MIA2: variants seen among roughly 807,000 people sequenced by gnomAD.
MIA2 encodes melanoma inhibitory activity protein 2.
Under a neutral mutation model 167.8 loss-of-function variants are expected in MIA2, and 127 were observed. That is an observed-to-expected ratio of 0.76 (90% CI 0.66 to 0.88). MIA2 has a LOEUF of 0.88. Ranked by LOEUF, MIA2 falls within the 40% of genes least tolerant of loss-of-function variation. MIA2 has a pLI of 0.00. For missense variants in MIA2, 1,690 were observed against 1,624.7 expected (o/e 1.04, Z -0.69); for synonymous variants, 552 against 541.9 (o/e 1.02, Z -0.26).
chr14:39,285,933 C>T (rs1320489908), intron 9 of MIA2, among the ~76,000 whole-genome samples: 45 of 147,026 alleles, frequency 3.1e-4, no homozygotes, highest in African/African-American at 6.6e-4. Context: ...GGATGGCGGC[C>T]GGGAAGAGGC....
chr14:39,386,835 A>T, intron 23 of MIA2: 1 of 922,530 alleles, frequency 1.1e-6, no homozygotes, highest in Non-Finnish European at 1.8e-6. Context: ...ATTCTCAGCA[A>T]CTCGTCTCTC....
intron 18 of MIA2, among the ~76,000 whole-genome samples, chr14:39,308,950 A>G (rs2063776196): frequency 6.6e-6 from 1 of 152,192 alleles, no homozygotes; most frequent in Non-Finnish European, 1.5e-5. Flanking sequence ...TGTTCTGTGC[A>G]AATTGCTTCT....
intron 7 of MIA2, among the ~76,000 whole-genome samples, chr14:39,278,590 TGAGA>T (rs1049129921): frequency 6.6e-6 from 1 of 152,182 alleles, no homozygotes; most frequent in African/African-American, 2.4e-5. Context: ...CTTCATTATT[TGAGA>T]GAGAGGTTAA....
At chr14:39,309,107 A>G (rs1249102037) in intron 18 of MIA2, among the ~76,000 whole-genome samples, 1 of 152,164 alleles carries the variant, frequency 6.6e-6, no homozygotes, top group Non-Finnish European at 1.5e-5. Flanking sequence ...TATAGCCTGA[A>G]TCTGACCACT....
intron 9 of MIA2, among the ~76,000 whole-genome samples, chr14:39,286,630 C>T (rs2059832396): frequency 6.6e-6 from 1 of 151,758 alleles, no homozygotes; most frequent in Admixed American, 6.6e-5. Context: ...CATCTGCGAA[C>T]AGATAATTTT....
At chr14:39,369,758 A>G (rs919675955) in intron 23 of MIA2, among the ~76,000 whole-genome samples, 2 of 152,258 alleles carry the variant, frequency 1.3e-5, no homozygotes, top group East Asian at 1.9e-4. Context: ...TCAGTTTTCT[A>G]TTGTTAATTG....
chr14:39,298,530 G>GTTTTGTTTTTTT (rs2061832220), intron 13 of MIA2, among the ~76,000 whole-genome samples: 21 of 26,172 alleles, frequency 8.0e-4, no homozygotes, highest in Admixed American at 1.8e-3. Context: ...GTAGAACAGA[G>GTTTTGTTTTTTT]TTTTTTTTTT....
At chr14:39,287,561 T>C (rs1352402431) in intron 9 of MIA2, among the ~76,000 whole-genome samples, 1 of 151,730 alleles carries the variant, frequency 6.6e-6, no homozygotes, top group Non-Finnish European at 1.5e-5. Context: ...AATTTTATTA[T>C]TTATTATTTA....
exon 24 of MIA2, chr14:39,387,651 A>AT (rs1432931998): frequency 6.6e-6 from 1 of 152,220 alleles, no homozygotes; most frequent in Non-Finnish European, 1.5e-5. Flanking sequence ...GTTCGAGAGG[A>AT]TTGAGTCCAA....
chr14:39,364,653 T>C (rs2074776288), intron 23 of MIA2, among the ~76,000 whole-genome samples: 1 of 152,174 alleles, frequency 6.6e-6, no homozygotes, highest in South Asian at 2.1e-4. Flanking sequence ...GAAAAGACTT[T>C]ATTTTCCCTT....
chr14:39,267,503 T>C, intron 6 of MIA2: 2 of 1,613,602 alleles, frequency 1.2e-6, no homozygotes, highest in Non-Finnish European at 8.5e-7. Flanking sequence ...TTGGGGCTGC[T>C]CCTGGAGGAG....
At chr14:39,328,222 A>G (rs1360707686) in intron 25 of MIA2, among the ~76,000 whole-genome samples, 3 of 152,184 alleles carry the variant, frequency 2.0e-5, no homozygotes, top group African/African-American at 7.2e-5. Flanking sequence ...ATGACCAGTG[A>G]TGGTGAGCTT....
chr14:39,345,714 G>A (rs1020876554), intron 25 of MIA2, among the ~76,000 whole-genome samples, 190 bp from the exon 26 acceptor site: 7 of 152,064 alleles, frequency 4.6e-5, no homozygotes, highest in African/African-American at 1.2e-4. Flanking sequence ...TTATGCTTGT[G>A]TTTACTATAA....
chr14:39,320,494 C>T (rs956086114), intron 23 of MIA2, among the ~76,000 whole-genome samples: 5 of 151,962 alleles, frequency 3.3e-5, no homozygotes, highest in African/African-American at 4.8e-5. Flanking sequence ...AATTCATGGC[C>T]CAATACAGCC....
rs112570656 is a variant in MIA2 at position 39,331,391 on chromosome 14, G to C, written c.3655+4369G>C. Among the ~76,000 whole-genome samples, 19 of 152,114 alleles carry C rather than the reference G, an allele frequency of 1.2e-4. No homozygotes were observed. In the East Asian group the frequency reaches 3.5e-3, roughly 28 times the overall value. ...GTCTCCTGAATACAGTACACCGATGGGTCTTGACTCTTTATCCAATTTGCC... is the reference window on the plus strand; with the variant it reads ...GTCTCCTGAATACAGTACACCGATGCGTCTTGACTCTTTATCCAATTTGCC... On this transcript the variant is annotated intron_variant, in intron 25 of 28. Transcript: ENST00000640607.
chr14:39,351,023 G>A (rs1239950822), downstream of MIA2: 1 of 151,968 alleles, frequency 6.6e-6, no homozygotes, highest in African/African-American at 2.4e-5. Flanking sequence ...ATATTGAGAT[G>A]TACTACAGGA....
At chr14:39,348,053 T>C (rs976160837) in intron 27 of MIA2, among the ~76,000 whole-genome samples, 6 of 151,690 alleles carry the variant, frequency 4.0e-5, no homozygotes, top group African/African-American at 1.2e-4. Flanking sequence ...CCTCAGATGA[T>C]CCACTCGCCT....
chr14:39,261,594 A>G (rs1331227921), intron 6 of MIA2, among the ~76,000 whole-genome samples: 1 of 152,182 alleles, frequency 6.6e-6, no homozygotes, highest in Non-Finnish European at 1.5e-5. Flanking sequence ...GTACTAGTTT[A>G]CAGTCCCACC....
At chr14:39,307,586 G>C (rs1050661504) in intron 17 of MIA2, among the ~76,000 whole-genome samples, 5 of 151,900 alleles carry the variant, frequency 3.3e-5, no homozygotes, top group Non-Finnish European at 5.9e-5. Flanking sequence ...ATTTTAAGTA[G>C]AGATGGTTTT....
Sources: allele counts gnomAD v4.1 joint callset (sites outside exome capture counted in the v4.1 genomes callset), GRCh38; gene constraint gnomAD v4.1.1; transcripts MANE v1.5; gene names NCBI Gene and HGNC (gene_info 2026-07-23, HGNC 2026-07-21).